The following RNF212 variants were observed in gnomAD, a reference collection of about 807,000 sequenced individuals.
The protein encoded by RNF212 is probable E3 SUMO-protein ligase RNF212.
RNF212 carries 33 observed loss-of-function variants against 34.7 expected under a neutral mutation model. The ratio of observed to expected loss-of-function variants is 0.95; its 90% CI spans 0.72 to 1.27. RNF212 has a LOEUF of 1.27. RNF212 is among the 50% of genes most tolerant of loss of function. The probability of loss-of-function intolerance (pLI) is 0.00; values close to 1 mark genes in which losing one functional copy is unlikely to be tolerated. For synonymous variants in RNF212, 140 were observed against 136.1 expected (o/e 1.03, Z -0.20); for missense variants, 377 against 362.2 (o/e 1.04, Z -0.33).
chr4:1,102,464 A>G (rs1724136209), intron 2 of RNF212, among the ~76,000 whole-genome samples: 1 of 152,178 alleles, frequency 6.6e-6, no homozygotes, highest in Non-Finnish European at 1.5e-5. Context: ...ACATGGACAC[A>G]CACAGTTAAA....
downstream of RNF212, among the ~76,000 whole-genome samples, chr4:1,070,844 T>C (rs910561507): frequency 6.6e-6 from 1 of 152,194 alleles, no homozygotes; most frequent in Non-Finnish European, 1.5e-5. Flanking sequence ...ATGTTAACAT[T>C]TGGGGAATCT....
At chr4:1,075,324 GA>G (rs1457908225) in intron 8 of RNF212, among the ~76,000 whole-genome samples, 1 of 152,192 alleles carries the variant, frequency 6.6e-6, no homozygotes, top group Non-Finnish European at 1.5e-5. Flanking sequence ...AATTCATAAA[GA>G]AAAGAGGTTT....
At chr4:1,082,254 G>C (rs192502484) in intron 5 of RNF212, among the ~76,000 whole-genome samples, 2 of 152,336 alleles carry the variant, frequency 1.3e-5, no homozygotes, top group Admixed American at 1.3e-4. Context: ...TGATCTCCAC[G>C]ATGGCCAGTA....
At chr4:1,096,676 C>G in intron 3 of RNF212, 89 bp downstream of exon 3, 2 of 851,732 alleles carry the variant, frequency 2.3e-6, no homozygotes, top group Non-Finnish European at 1.9e-6. Flanking sequence ...TGGCTCATCA[C>G]AGAACCAAGC....
chr4:1,107,254 T>C (rs371708757), intron 2 of RNF212: 2 of 151,652 alleles, frequency 1.3e-5, no homozygotes, highest in East Asian at 2.0e-4. Context: ...GGTTTTACCA[T>C]GTTAGCCAGG....
At position 1,073,502 on chromosome 4, in the gene RNF212, G is replaced by C; in HGVS notation, c.574+97C>G. The C allele has an allele frequency of 4.2e-6, 4 of 961,126 alleles. No individual in the cohort carries two copies. The Admixed American group carries it at 5.4e-5, about 13-fold the overall frequency. The allele number at this position is 961,126 out of a possible 1,614,324, so 59.5% of individuals were successfully genotyped here. A position where few individuals can be genotyped will look rare whatever the true frequency, so the allele number is the denominator to read the frequency against. ...CCGGGTGGAAGGACAGCACCCCCTT[G>C]GGTAGGTTCTGACAGCTTTGATTAA... On this transcript the variant is annotated intron_variant, in intron 9 of 9. Coordinates refer to ENST00000433731, the MANE Select transcript of RNF212 (RefSeq NM_001131034.4).
chr4:1,101,308 T>C (rs1359264232), intron 2 of RNF212: 3 of 319,380 alleles, frequency 9.4e-6, no homozygotes. Flanking sequence ...TATTGTTTTA[T>C]TATTGGTAGA....
chr4:1,083,260 C>T (rs549497785), intron 5 of RNF212, among the ~76,000 whole-genome samples: 2 of 152,276 alleles, frequency 1.3e-5, no homozygotes, highest in Admixed American at 6.5e-5. Context: ...ACATAAAAGA[C>T]GAAGATGCAA....
chr4:1,072,944 T>C lies in RNF212; in HGVS notation c.824A>G (p.Asp275Gly). 6.2e-7 allele frequency: 1 copy of C among 1,614,070 alleles called. No individual in the cohort carries two copies. Among genetic ancestry groups the C allele is most frequent in the South Asian group, 1.1e-5 (1 of 91,082 alleles). Residue 275 changes from aspartate (D) to glycine (G), a missense_variant, in exon 10 of 10, where the codon GAC (aspartate) becomes GGC (glycine). By Grantham distance (94) the Asp-to-Gly change is moderately conservative. Transcript: ENST00000433731. ...FPFQQAEGTL[D>G]TFRTPAVSVV... ...AGACACAGCGGGTGTTCTGAACGTG[T>C]CCAGGGTGCCCTCAGCCTGCTGGAA... is the stretch of plus-strand genomic sequence containing the variant.
chr4:1,058,540 G>T, intron 3 of RNF212: 1 of 177,966 alleles, frequency 5.6e-6, no homozygotes, highest in Non-Finnish European at 1.1e-5. Flanking sequence ...AGCCACACAG[G>T]CACGCGGGGT....
At chr4:1,080,344 T>C (rs1720126041) in intron 7 of RNF212, among the ~76,000 whole-genome samples, 1 of 152,168 alleles carries the variant, frequency 6.6e-6, no homozygotes, top group Non-Finnish European at 1.5e-5. Flanking sequence ...AGCACTCATT[T>C]TGAAGACAGG....
Position 1,113,441 on chromosome 4 carries a change from A to G in RNF212, c.24T>C (p.Asn8=). 1 of 1,607,676 alleles carries G rather than the reference A, an allele frequency of 6.2e-7. No homozygotes were observed. The highest frequency in any genetic ancestry group is 1.1e-5 in the South Asian group (1 of 90,232). ...TCCTGTGGGGCGGCTGGAAGCAGCG[A>G]TTACAGAACACCCAGTTGGCCATGC... MANWVFC[N]RCFQPPHRTS... The change falls in exon 1 of 10, where the codon AAT becomes AAC. Residue 8 remains asparagine, a synonymous_variant. Transcript: ENST00000433731.
intron 4 of RNF212, chr4:1,056,515 A>C: frequency 6.1e-6 from 6 of 984,952 alleles, no homozygotes; most frequent in Non-Finnish European, 7.3e-6. Context: ...TGTTGAGGAA[A>C]ATGAGGGTGC....
At chr4:1,073,743 A>C in intron 8 of RNF212, 81 bp from the exon 9 acceptor site, 1 of 918,452 alleles carries the variant, frequency 1.1e-6, no homozygotes, top group Non-Finnish European at 1.8e-6. Flanking sequence ...TCTGTTAGGA[A>C]CACATTTCCC....
At chr4:1,076,372 AG>A (rs1473252784) in intron 8 of RNF212, among the ~76,000 whole-genome samples, 1 of 152,190 alleles carries the variant, frequency 6.6e-6, no homozygotes, top group Admixed American at 6.5e-5. Context: ...TGCTTCTCCG[AG>A]TCCACCCAAT....
intron 3 of RNF212, chr4:1,093,669 A>C (rs565308225): frequency 6.5e-7 from 1 of 1,536,016 alleles, no homozygotes; most frequent in African/African-American, 1.4e-5. Context: ...ACTTGGCAAA[A>C]CCACCCTGGA....
chr4:1,068,619 C>T (rs1465680960), downstream of RNF212, among the ~76,000 whole-genome samples: 10 of 152,182 alleles, frequency 6.6e-5, 1 homozygote, highest in East Asian at 9.6e-4. Context: ...TAATGAACAA[C>T]GCAGTCTCTT....
chr4:1,079,602 G>A lies in RNF212; in HGVS notation c.510+41C>T, dbSNP rs75477718. ...CTGAGGAAAATGGGAAATGCCACAC[G>A]TCTGGTATACAGAGGAACTCAGCAG... On this transcript the variant is annotated intron_variant, in intron 8 of 9. Coordinates refer to ENST00000433731, the MANE Select transcript of RNF212 (RefSeq NM_001131034.4). 307 of 1,375,954 alleles carry A rather than the reference G, an allele frequency of 2.2e-4. 1 individual carries two copies. The East Asian group carries it at 6.7e-3, about 30-fold the overall frequency. 85.2% of individuals were successfully genotyped at this position (1,375,954 alleles called of 1,614,324 possible). A position where few individuals can be genotyped will look rare whatever the true frequency, so the allele number is the denominator to read the frequency against.
intron 2 of RNF212, chr4:1,101,188 G>A (rs768833275): frequency 2.1e-5 from 5 of 236,012 alleles, no homozygotes; most frequent in Non-Finnish European, 8.8e-6. Context: ...CGGGCCTAAC[G>A]ACTGGCACTC....
Sources: allele counts gnomAD v4.1 joint callset (sites outside exome capture counted in the v4.1 genomes callset), GRCh38; gene constraint gnomAD v4.1.1; transcripts MANE v1.5; gene names NCBI Gene and HGNC (gene_info 2026-07-23, HGNC 2026-07-21).